COL22A1: variants seen among roughly 807,000 people sequenced by gnomAD.
The protein encoded by COL22A1 is collagen alpha-1(XXII) chain.
A neutral mutation model predicts 248.9 loss-of-function variants in COL22A1; 221 were observed. That is an observed-to-expected ratio of 0.89 (90% CI 0.80 to 0.99). The LOEUF (loss-of-function observed/expected upper bound fraction) is 0.99, where lower values mean the gene tolerates loss of function less well. Ranked by LOEUF, COL22A1 falls within the 50% of genes least tolerant of loss-of-function variation. COL22A1 has a pLI of 0.00. For synonymous variants in COL22A1, 891 were observed against 793.4 expected (o/e 1.12, Z -2.07); for missense variants, 2,240 against 2,179.0 (o/e 1.03, Z -0.56).
intron 3 of COL22A1, among the ~76,000 whole-genome samples, chr8:138,865,166 CAG>C (rs1822766537): frequency 6.6e-6 from 1 of 152,248 alleles, no homozygotes; most frequent in East Asian, 1.9e-4. Context: ...AAAATGCAGA[CAG>C]AGTTTTAACA....
intron 1 of COL22A1, among the ~76,000 whole-genome samples, chr8:138,894,781 T>G (rs558986063): frequency 3.9e-5 from 6 of 152,280 alleles, no homozygotes; most frequent in African/African-American, 1.4e-4. Flanking sequence ...GTAATATAAG[T>G]GAGCATGCTA....
chr8:138,595,575 C>T (rs560275132), intron 62 of COL22A1, among the ~76,000 whole-genome samples: 3 of 152,110 alleles, frequency 2.0e-5, no homozygotes, highest in South Asian at 4.2e-4. Context: ...CTTCTCCCAC[C>T]CAAAACCCAC....
intron 55 of COL22A1, among the ~76,000 whole-genome samples, chr8:138,615,530 CAAA>C (rs11329956): frequency 1.1e-4 from 13 of 120,244 alleles, no homozygotes; most frequent in East Asian, 2.5e-4. Context: ...GACTCCATCT[CAAA>C]AAAAAAAAAA....
chr8:138,771,745 A>G (rs932490492), intron 16 of COL22A1, among the ~76,000 whole-genome samples: 2 of 152,190 alleles, frequency 1.3e-5, no homozygotes, highest in South Asian at 2.1e-4. Context: ...TCCACCTTCC[A>G]ACGGCTTCAG....
chr8:138,807,717 GGA>G, intron 10 of COL22A1, 49 bp downstream of exon 10: 1 of 1,564,646 alleles, frequency 6.4e-7, no homozygotes, highest in Non-Finnish European at 8.8e-7. Context: ...AGACAGCAAA[GGA>G]GAGGACAAGT....
chr8:138,750,402 G>A (rs528909447), intron 22 of COL22A1, among the ~76,000 whole-genome samples: 1 of 152,194 alleles, frequency 6.6e-6, no homozygotes, highest in Non-Finnish European at 1.5e-5. Context: ...GTTAACCAGT[G>A]GGTAAGCACA....
intron 3 of COL22A1, 40 bp from the exon 4 acceptor site, chr8:138,844,198 G>T: frequency 6.3e-7 from 1 of 1,579,348 alleles, no homozygotes; most frequent in Non-Finnish European, 8.7e-7. Context: ...ATGAGAAAAT[G>T]TGACCCATCG....
At chr8:138,902,993 G>A (rs553306883) in intron 1 of COL22A1, among the ~76,000 whole-genome samples, 5 of 152,112 alleles carry the variant, frequency 3.3e-5, no homozygotes, top group Non-Finnish European at 5.9e-5. Context: ...AATCACCCAT[G>A]GATCAGACTG....
chr8:138,812,888 G>A (rs1375636421), intron 8 of COL22A1, 51 bp downstream of exon 8: 1 of 1,370,092 alleles, frequency 7.3e-7, no homozygotes, highest in Admixed American at 1.7e-5. Flanking sequence ...CTTCCCTCTG[G>A]AGGCCACACA....
At chr8:138,819,302 A>C (rs1467332646) in intron 7 of COL22A1, among the ~76,000 whole-genome samples, 1 of 152,176 alleles carries the variant, frequency 6.6e-6, no homozygotes, top group Non-Finnish European at 1.5e-5. Context: ...ATTAGTATAC[A>C]AAATATGTAA....
Position 138,809,528 on chromosome 8 carries a change from C to CTTTTTTTTTT in COL22A1, c.1450-1726_1450-1717dup, listed in dbSNP as rs71518485. 2.7e-3 allele frequency among the ~76,000 whole-genome samples: 317 copies of CTTTTTTTTTT among 117,650 alleles called. 14 individuals carry two copies. The highest frequency in any genetic ancestry group is 0.01 in the African/African-American group (302 of 30,158). The allele number at this position is 117,650 out of a possible 152,430, so 77.2% of individuals were successfully genotyped here. ...TTTCTTCTTCTCTTTTTTTCTTTTT[C>CTTTTTTTTTT]TTTTTTTTTTGAGACAGAGTCTCAC... On this transcript the variant is annotated intron_variant, in intron 9 of 64. Transcript: ENST00000303045.
chr8:138,731,500 A>T (rs953428314), intron 23 of COL22A1, among the ~76,000 whole-genome samples: 2 of 152,082 alleles, frequency 1.3e-5, no homozygotes, highest in Non-Finnish European at 2.9e-5. Context: ...TGATGCGGTG[A>T]CCAGCTGGAT....
chr8:138,591,489 G>A lies in COL22A1; in HGVS notation c.4628C>T (p.Ala1543Val). 1 of 1,554,894 alleles carries A rather than the reference G, an allele frequency of 6.4e-7. No individual in the cohort carries two copies. The highest frequency in any genetic ancestry group is 1.9e-5 in the Admixed American group (1 of 52,724). The stretch of plus-strand genomic sequence containing the variant: ...TCCAGGTGCACCTGGGTCACCTTTG[G>A]CTCCTCGCTCACCTGGGAAGAAAAA... The part of the protein sequence containing the change: ...GPIGPKGERG[A>V]KGDPGAPGVG... Residue 1543 changes from alanine to valine, a missense_variant, in exon 64 of 65, where the codon GCC becomes GTC. Ala to Val is a moderately conservative substitution (Grantham distance 64). Coordinates refer to ENST00000303045, the MANE Select transcript of COL22A1 (RefSeq NM_152888.3).
intron 39 of COL22A1, among the ~76,000 whole-genome samples, chr8:138,682,875 A>T (rs1826063911): frequency 6.6e-6 from 1 of 152,010 alleles, no homozygotes; most frequent in South Asian, 2.1e-4. Flanking sequence ...AATTTGTTGT[A>T]CCTTTAGTAG....
At chr8:138,882,838 T>G (rs1050899991) in intron 2 of COL22A1, among the ~76,000 whole-genome samples, 1 of 151,768 alleles carries the variant, frequency 6.6e-6, no homozygotes, top group African/African-American at 2.4e-5. Context: ...CCCTCACACT[T>G]TCACACTTCC....
At chr8:138,660,983 CACATACACACAT>C (rs1823874567) in intron 43 of COL22A1, among the ~76,000 whole-genome samples, 1 of 137,754 alleles carries the variant, frequency 7.3e-6, no homozygotes, top group Non-Finnish European at 1.6e-5. Flanking sequence ...CATACACACA[CACATACACACAT>C]ACACATACAC....
chr8:138,589,783 A>C (rs1199400095), intron 64 of COL22A1, among the ~76,000 whole-genome samples: 1 of 152,188 alleles, frequency 6.6e-6, no homozygotes, highest in African/African-American at 2.4e-5. Flanking sequence ...GGGTTCTTAC[A>C]TGGGTCTAGG....
chr8:138,689,073 A>T, intron 36 of COL22A1, 103 bp from the exon 37 acceptor site: 2 of 882,638 alleles, frequency 2.3e-6, no homozygotes, highest in African/African-American at 1.6e-5. Flanking sequence ...CCTGAAGTCA[A>T]CGACTACAGC....
chr8:138,671,421 C>T lies in COL22A1; in HGVS notation c.3150+5137G>A, dbSNP rs145382298. 3.7e-3 allele frequency among the ~76,000 whole-genome samples: 559 copies of T among 152,304 alleles called. 5 individuals carry two copies. The highest frequency in any genetic ancestry group is 0.013 in the African/African-American group (532 of 41,562). On this transcript the variant is annotated intron_variant, in intron 41 of 64. Coordinates refer to ENST00000303045, the MANE Select transcript of COL22A1 (RefSeq NM_152888.3). ...AATTAATGGTAGCCAGACCGTAGTA[C>T]TATAATAATTTCATGGCCACCTCCT...
Sources: gnomAD v4.1 joint callset for allele counts (sites outside exome capture counted in the v4.1 genomes callset) on GRCh38, gnomAD v4.1.1 for gene constraint, MANE v1.5 for transcripts, NCBI Gene and HGNC (gene_info 2026-07-23, HGNC 2026-07-21) for gene names.